Variants in STOM observed in about 807,000 individuals in gnomAD.
The protein encoded by STOM is erythrocyte band 7 integral membrane protein.
STOM carries 25 observed loss-of-function variants against 30.6 expected under a neutral mutation model. The observed-to-expected ratio is 0.82, with a 90% CI of 0.60 to 1.14. STOM has a LOEUF of 1.14. Among genes scored for constraint, STOM ranks in the 50% most tolerant of loss-of-function variants. The pLI, the probability that STOM is intolerant of heterozygous loss-of-function variation, is 0.00. For missense variants in STOM, 292 were observed against 365.2 expected, an observed-to-expected ratio of 0.80 and a Z score of 1.63; for synonymous variants, 118 against 130.8, an observed-to-expected ratio of 0.90 and a Z score of 0.67.
chr9:121,347,944 T>C (rs2064303659), intron 6 of STOM, 71 bp downstream of exon 6: 1 of 1,505,946 alleles, frequency 6.6e-7, no homozygotes, highest in African/African-American at 1.4e-5. Flanking sequence ...GCAAGCATGT[T>C]TTACGTTTTT....
At chr9:121,358,122 G>A (rs902250309) in intron 1 of STOM, among the ~76,000 whole-genome samples, 13 of 151,210 alleles carry the variant, frequency 8.6e-5, no homozygotes, top group African/African-American at 1.2e-4. Context: ...GCAACATAGG[G>A]AGACTCTGTC....
At chr9:121,353,570 T>C (rs1026866107) in intron 3 of STOM, among the ~76,000 whole-genome samples, 2 of 152,208 alleles carry the variant, frequency 1.3e-5, no homozygotes, top group Non-Finnish European at 1.5e-5. Flanking sequence ...TGCAATCGTT[T>C]CCCAGGCCAT....
At chr9:121,348,179 C>A (rs745379462) in intron 5 of STOM, 30 bp from the exon 6 acceptor site, 2 of 1,612,890 alleles carry the variant, frequency 1.2e-6, no homozygotes, top group South Asian at 1.1e-5. Context: ...CAAGCTAAAT[C>A]TCCTCAGCCC....
At chr9:121,344,663 T>C (rs1169686840) in intron 6 of STOM, among the ~76,000 whole-genome samples, 1 of 152,238 alleles carries the variant, frequency 6.6e-6, no homozygotes, top group African/African-American at 2.4e-5. Flanking sequence ...TTTTAAAGTC[T>C]GGCATTTTCA....
chr9:121,366,265 C>G lies in STOM; in HGVS notation c.61+3862G>C, dbSNP rs548740312. On this transcript the variant is annotated intron_variant, in intron 1 of 6. Coordinates refer to ENST00000286713, the MANE Select transcript of STOM (RefSeq NM_004099.6). ...AAGTTTCTTTAGTAGTCCCAGCAGA[C>G]AGAGAAAGATTAAAAAAGAATGTAG... 2.8e-5 allele frequency: 28 copies of G among 984,890 alleles called. No homozygotes were observed. In the South Asian group the frequency reaches 1.2e-3, roughly 41 times the overall value. 61.0% of individuals were successfully genotyped at this position (984,890 alleles called of 1,614,324 possible).
At chr9:121,356,013 G>C (rs1306132287) in intron 2 of STOM, 40 bp downstream of exon 2, 2 of 1,540,120 alleles carry the variant, frequency 1.3e-6, no homozygotes, top group African/African-American at 2.7e-5. Context: ...ATGGAGGTAG[G>C]AGTTGACCCC....
rs373876367 is a variant in STOM at position 121,341,184 on chromosome 9, C to T, written c.*18G>A. 2 of 1,614,066 alleles carry T rather than the reference C, an allele frequency of 1.2e-6. No individual in the cohort carries two copies. The highest frequency in any genetic ancestry group is 1.7e-6 in the Non-Finnish European group (2 of 1,179,972). On this transcript the variant is annotated 3_prime_UTR_variant, in exon 7 of 7. Transcript: ENST00000286713. ...GGTCCCCGACTTCATGCTTGGAAGGCTAGCGCTCATCTCTACACTAGCCTA... is the reference window on the plus strand; with the variant it reads ...GGTCCCCGACTTCATGCTTGGAAGGTTAGCGCTCATCTCTACACTAGCCTA...
chr9:121,353,084 T>A (rs1216195273), intron 4 of STOM, 136 bp downstream of exon 4: 1 of 396,464 alleles, frequency 2.5e-6, no homozygotes, highest in Admixed American at 4.7e-5. Flanking sequence ...CAGAGCAAGA[T>A]TCCAATTAAA....
chr9:121,349,919 G>A (rs1235907472), intron 4 of STOM, among the ~76,000 whole-genome samples: 4 of 152,192 alleles, frequency 2.6e-5, no homozygotes, highest in African/African-American at 9.7e-5. Context: ...AGAGGCTCCA[G>A]GAAAATAGTT....
chr9:121,363,820 C>T (rs2064477876), intron 1 of STOM, among the ~76,000 whole-genome samples: 1 of 152,150 alleles, frequency 6.6e-6, no homozygotes, highest in African/African-American at 2.4e-5. Flanking sequence ...ATCTTTCTTC[C>T]AGCTATTCAA....
chr9:121,364,114 C>T (rs2064481305), intron 1 of STOM, among the ~76,000 whole-genome samples: 1 of 152,126 alleles, frequency 6.6e-6, no homozygotes, highest in East Asian at 1.9e-4. Context: ...AAAATGAAGA[C>T]AGAATCCTAC....
intron 3 of STOM, among the ~76,000 whole-genome samples, chr9:121,354,051 G>A (rs1163827891): frequency 6.6e-6 from 1 of 152,210 alleles, no homozygotes; most frequent in Non-Finnish European, 1.5e-5. Context: ...CTTGAGGGTA[G>A]GGACTGTGTT....
At chr9:121,364,710 A>G (rs2134045900) in intron 1 of STOM, among the ~76,000 whole-genome samples, 1 of 152,310 alleles carries the variant, frequency 6.6e-6, no homozygotes, top group Non-Finnish European at 1.5e-5. Flanking sequence ...CCTGCATTCA[A>G]ATGTTTCAGG....
At chr9:121,369,760 A>C in intron 1 of STOM, 1 of 251,630 alleles carries the variant, frequency 4.0e-6, no homozygotes, top group Non-Finnish European at 7.6e-6. Flanking sequence ...GGAGTGGGCA[A>C]AGGGTGAGAT....
At chr9:121,355,634 A>C (rs935919210) in intron 2 of STOM, among the ~76,000 whole-genome samples, 2 of 152,230 alleles carry the variant, frequency 1.3e-5, no homozygotes, top group African/African-American at 2.4e-5. Flanking sequence ...ATTTAGACAC[A>C]TAATTCATTT....
chr9:121,367,868 T>G (rs758851788), intron 1 of STOM, among the ~76,000 whole-genome samples: 1 of 152,244 alleles, frequency 6.6e-6, no homozygotes, highest in Non-Finnish European at 1.5e-5. Context: ...GGTATCCATC[T>G]CTGGGATAGG....
intron 6 of STOM, among the ~76,000 whole-genome samples, chr9:121,341,737 T>C (rs2064248673): frequency 6.6e-6 from 1 of 152,194 alleles, no homozygotes; most frequent in African/African-American, 2.4e-5. Flanking sequence ...GCAAATCCTT[T>C]TGCAAGTCAG....
At chr9:121,361,498 C>T (rs991529763) in intron 1 of STOM, among the ~76,000 whole-genome samples, 1 of 144,214 alleles carries the variant, frequency 6.9e-6, no homozygotes, top group Non-Finnish European at 1.5e-5. Flanking sequence ...ACGCCATTCT[C>T]TTGCCTCAGC....
intron 6 of STOM, among the ~76,000 whole-genome samples, chr9:121,345,965 T>A (rs2064285874): frequency 1.3e-5 from 2 of 151,924 alleles, no homozygotes; most frequent in African/African-American, 2.4e-5. Flanking sequence ...CATTTTTTTT[T>A]AAGTTTTTAT....
Sources: gnomAD v4.1 joint callset for allele counts (sites outside exome capture counted in the v4.1 genomes callset) on GRCh38, gnomAD v4.1.1 for gene constraint, MANE v1.5 for transcripts, NCBI Gene and HGNC (gene_info 2026-07-23, HGNC 2026-07-21) for gene names.